Variants in STAG1 observed in about 807,000 individuals in gnomAD.
STAG1 encodes cohesin subunit SA-1.
STAG1 carries 26 observed loss-of-function variants against 170.9 expected under a neutral mutation model. The ratio of observed to expected loss-of-function variants is 0.15; its 90% CI spans 0.11 to 0.21. STAG1 has a LOEUF of 0.21. Among genes scored for constraint, STAG1 ranks in the 10% least tolerant of loss-of-function variants. STAG1 has a pLI of 1.00. For missense variants in STAG1, 964 were observed against 1,509.5 expected (o/e 0.64, Z 5.99); for synonymous variants, 514 against 497.7 (o/e 1.03, Z -0.44).
chr3:136,510,450 A>G (rs945470273), intron 7 of STAG1, among the ~76,000 whole-genome samples: 2 of 148,786 alleles, frequency 1.3e-5, no homozygotes, highest in Non-Finnish European at 3.0e-5. Flanking sequence ...CCACCAGCCC[A>G]GCTAATTTTT....
At chr3:136,338,885 T>TA (rs1192125315) in intron 32 of STAG1, among the ~76,000 whole-genome samples, 1 of 152,226 alleles carries the variant, frequency 6.6e-6, no homozygotes, top group Non-Finnish European at 1.5e-5. Flanking sequence ...TGATCTCATT[T>TA]ATATTTACAA....
intron 15 of STAG1, among the ~76,000 whole-genome samples, chr3:136,440,595 T>C (rs1020136752): frequency 6.6e-5 from 10 of 152,176 alleles, no homozygotes; most frequent in South Asian, 2.1e-4. Flanking sequence ...GAACCTACCA[T>C]TGAATACTAA....
At chr3:136,663,681 A>G (rs1204346183) in intron 1 of STAG1, among the ~76,000 whole-genome samples, 1 of 152,210 alleles carries the variant, frequency 6.6e-6, no homozygotes, top group Non-Finnish European at 1.5e-5. Context: ...AAGGTTTCCA[A>G]TTGAACACGG....
intron 7 of STAG1, among the ~76,000 whole-genome samples, chr3:136,508,421 C>T (rs1559847814): frequency 6.6e-6 from 1 of 152,118 alleles, no homozygotes; most frequent in African/African-American, 2.4e-5. Flanking sequence ...AGCATGATGG[C>T]TCACATCTGT....
At chr3:136,585,029 C>T (rs1410877740) in intron 4 of STAG1, among the ~76,000 whole-genome samples, 1 of 152,186 alleles carries the variant, frequency 6.6e-6, no homozygotes. Context: ...ATCTGGGTTA[C>T]AGAGCCTTAG....
chr3:136,511,883 T>A (rs1172562892), intron 7 of STAG1, among the ~76,000 whole-genome samples: 1 of 151,894 alleles, frequency 6.6e-6, no homozygotes, highest in African/African-American at 2.4e-5. Flanking sequence ...TATATTAATA[T>A]GGACAGCAGG....
chr3:136,429,413 C>CA (rs1559796209), intron 16 of STAG1, among the ~76,000 whole-genome samples: 1 of 151,798 alleles, frequency 6.6e-6, no homozygotes, highest in African/African-American at 2.4e-5. Context: ...GTCTCAAAAA[C>CA]AAAAAAGACT....
Position 136,349,374 on chromosome 3 carries a change from A to C in STAG1, c.3066-11T>G, listed in dbSNP as rs764894169. On this transcript the variant is annotated splice_polypyrimidine_tract_variant and intron_variant, in intron 28 of 33. Transcript: ENST00000383202. ...TCTAGGTATGAATGACTAGAAACAC[A>C]ATAGAAACAGCAGTGATTTTCAGAG... The C allele has an allele frequency of 1.3e-6, 2 of 1,599,050 alleles. No homozygotes were observed. The highest frequency in any genetic ancestry group is 2.2e-5 in the South Asian group (2 of 90,778).
intron 30 of STAG1, 120 bp from the exon 31 acceptor site, chr3:136,341,671 T>C: frequency 3.1e-6 from 2 of 638,858 alleles, no homozygotes; most frequent in South Asian, 3.8e-5. Context: ...TTAGCTGGAT[T>C]TATTCTGGTG....
chr3:136,719,702 G>A (rs960874569), intron 1 of STAG1, among the ~76,000 whole-genome samples: 3 of 149,346 alleles, frequency 2.0e-5, no homozygotes, highest in Non-Finnish European at 4.5e-5. Flanking sequence ...TGGATGGATG[G>A]ATGGATCGAT....
chr3:136,717,681 C>T (rs191717501), intron 1 of STAG1, among the ~76,000 whole-genome samples: 8 of 151,886 alleles, frequency 5.3e-5, no homozygotes, highest in African/African-American at 9.7e-5. Flanking sequence ...TTAATTAATA[C>T]GGAAAAAAAT....
At chr3:136,735,458 G>A (rs909903339) in intron 1 of STAG1, among the ~76,000 whole-genome samples, 4 of 146,750 alleles carry the variant, frequency 2.7e-5, no homozygotes, top group Admixed American at 6.8e-5. Context: ...CTTTTTTGAC[G>A]CAGGGTCTCA....
chr3:136,409,157 G>A (rs994509634), intron 21 of STAG1, among the ~76,000 whole-genome samples: 3 of 151,988 alleles, frequency 2.0e-5, no homozygotes, highest in African/African-American at 4.8e-5. Flanking sequence ...CCAGCTACTC[G>A]GGAGGCAGAG....
At chr3:136,421,689 A>G (rs1469708017) in intron 19 of STAG1, among the ~76,000 whole-genome samples, 1 of 152,168 alleles carries the variant, frequency 6.6e-6, no homozygotes, top group Non-Finnish European at 1.5e-5. Context: ...AAAATAAGCA[A>G]TTGGAGATGT....
chr3:136,660,959 C>A (rs1941558330), intron 1 of STAG1, among the ~76,000 whole-genome samples: 2 of 151,930 alleles, frequency 1.3e-5, no homozygotes, highest in African/African-American at 2.4e-5. Flanking sequence ...ACAAGCGAGA[C>A]CCTGTCTCAA....
intron 1 of STAG1, among the ~76,000 whole-genome samples, chr3:136,667,886 G>C (rs1354540551): frequency 6.6e-6 from 1 of 151,972 alleles, no homozygotes; most frequent in African/African-American, 2.4e-5. Context: ...GTCAGTTCAG[G>C]TTCTCTAGAA....
intron 1 of STAG1, among the ~76,000 whole-genome samples, chr3:136,719,145 T>C (rs983312447): frequency 6.6e-6 from 1 of 152,114 alleles, no homozygotes; most frequent in African/African-American, 2.4e-5. Flanking sequence ...GAAACTCAAA[T>C]GTCCATGAAG....
chr3:136,553,998 T>G (rs557207339), intron 5 of STAG1, among the ~76,000 whole-genome samples: 2 of 151,922 alleles, frequency 1.3e-5, no homozygotes, highest in East Asian at 1.9e-4. Flanking sequence ...CAGCTGTAAG[T>G]TGTAACAAGC....
intron 1 of STAG1, among the ~76,000 whole-genome samples, chr3:136,720,426 T>C (rs571938835): frequency 6.6e-6 from 1 of 152,298 alleles, no homozygotes; most frequent in East Asian, 1.9e-4. Flanking sequence ...GAATGTGTCC[T>C]GACCCAGATC....
Sources: allele counts gnomAD v4.1 joint callset (sites outside exome capture counted in the v4.1 genomes callset), GRCh38; gene constraint gnomAD v4.1.1; transcripts MANE v1.5; gene names NCBI Gene and HGNC (gene_info 2026-07-23, HGNC 2026-07-21).